The following MAF variants were observed in gnomAD, a reference collection of about 807,000 sequenced individuals.
MAF encodes MAF bZIP transcription factor, also known as transcription factor Maf.
In MAF, 10 loss-of-function variants were observed where a neutral mutation model predicts 22.0. That is an observed-to-expected ratio of 0.45 (90% CI 0.28 to 0.77). The LOEUF is 0.77. MAF is among the 30% of genes least tolerant of loss of function. MAF has a pLI of 0.12. For missense variants in MAF, 544 were observed against 548.4 expected (o/e 0.99, Z 0.08); for synonymous variants, 337 against 255.8 (o/e 1.32, Z -3.03).
the MAF span, among the ~76,000 whole-genome samples, chr16:79,490,271 G>A: frequency 8.5e-5 from 13 of 152,214 alleles, no homozygotes; most frequent in East Asian, 1.7e-3. Flanking sequence ...ATCTCCCTTC[G>A]TCTTGATAGA....
chr16:79,366,694 G>A, the MAF span, among the ~76,000 whole-genome samples: 1 of 152,184 alleles, frequency 6.6e-6, no homozygotes, highest in South Asian at 2.1e-4. Flanking sequence ...ATGATAACTA[G>A]GAACCTCCCT....
the MAF span, chr16:79,212,744 T>C: frequency 6.6e-6 from 1 of 150,736 alleles, no homozygotes; most frequent in Non-Finnish European, 1.5e-5. Flanking sequence ...AAAAGAAATC[T>C]AGAGGAAAAA....
At chr16:79,579,288 A>G in the MAF span, among the ~76,000 whole-genome samples, 1 of 152,222 alleles carries the variant, frequency 6.6e-6, no homozygotes, top group African/African-American at 2.4e-5. Flanking sequence ...CCATCAATGT[A>G]TCCTTGTACT....
chr16:79,420,577 G>T, the MAF span, among the ~76,000 whole-genome samples: 3 of 150,828 alleles, frequency 2.0e-5, no homozygotes, highest in Admixed American at 6.6e-5. Context: ...ACAACCTCCC[G>T]CACCAGAGTG....
At chr16:79,258,963 C>G in the MAF span, among the ~76,000 whole-genome samples, 1 of 152,068 alleles carries the variant, frequency 6.6e-6, no homozygotes, top group Non-Finnish European at 1.5e-5. Flanking sequence ...TTGGAGGGTC[C>G]CAGAGCCCAC....
At chr16:79,227,417 G>A in the MAF span, among the ~76,000 whole-genome samples, 445 of 152,224 alleles carry the variant, frequency 2.9e-3, 8 homozygotes, top group Admixed American at 0.023. Flanking sequence ...TGCTGTGTGT[G>A]TATGAACACC....
the MAF span, among the ~76,000 whole-genome samples, chr16:79,451,485 T>G: frequency 6.6e-6 from 1 of 152,188 alleles, no homozygotes; most frequent in Non-Finnish European, 1.5e-5. Context: ...TGACTTTGCC[T>G]TCCTTGAAGC....
chr16:79,480,758 G>A, the MAF span, among the ~76,000 whole-genome samples: 17 of 152,278 alleles, frequency 1.1e-4, no homozygotes, highest in African/African-American at 3.9e-4. Flanking sequence ...GCAAAAGACA[G>A]ACATGGAAGG....
the MAF span, among the ~76,000 whole-genome samples, chr16:79,401,126 G>A: frequency 6.6e-6 from 1 of 152,144 alleles, no homozygotes; most frequent in African/African-American, 2.4e-5. Flanking sequence ...TGCTTCATTT[G>A]GGACAGGGCG....
the MAF span, among the ~76,000 whole-genome samples, chr16:79,536,338 T>C: frequency 6.6e-6 from 1 of 152,158 alleles, no homozygotes; most frequent in Non-Finnish European, 1.5e-5. Context: ...CAAATGGGAA[T>C]TGAAAATATT....
the MAF span, among the ~76,000 whole-genome samples, chr16:79,389,976 C>CAAAAAAAA: frequency 9.5e-5 from 6 of 62,960 alleles, no homozygotes; most frequent in Middle Eastern, 0.013. Context: ...GACTCCATCT[C>CAAAAAAAA]AAAAAAAAAA....
the MAF span, among the ~76,000 whole-genome samples, chr16:79,440,086 T>C: frequency 2.0e-5 from 3 of 152,208 alleles, no homozygotes; most frequent in African/African-American, 7.2e-5. Context: ...ATGACATTCC[T>C]TCCCTTTGGA....
At chr16:79,546,734 TG>T in the MAF span, among the ~76,000 whole-genome samples, 1 of 152,014 alleles carries the variant, frequency 6.6e-6, no homozygotes, top group East Asian at 1.9e-4. Flanking sequence ...CCTCTATAAA[TG>T]GGAAAAATAA....
chr16:79,557,196 C>T, the MAF span, among the ~76,000 whole-genome samples: 4 of 151,098 alleles, frequency 2.6e-5, no homozygotes, highest in East Asian at 7.8e-4. Context: ...ATTGCTAGTG[C>T]CAGCTACATC....
chr16:79,263,544 C>T, the MAF span, among the ~76,000 whole-genome samples: 3 of 152,236 alleles, frequency 2.0e-5, no homozygotes, highest in Non-Finnish European at 4.4e-5. Flanking sequence ...CATGCCAATA[C>T]CTTTCCCCTT....
the MAF span, among the ~76,000 whole-genome samples, chr16:79,327,187 G>A: frequency 6.6e-6 from 1 of 152,182 alleles, no homozygotes; most frequent in African/African-American, 2.4e-5. Context: ...CTAAAGAATG[G>A]CTTGGGGCAG....
chr16:79,582,661 A>G (rs1164969499), downstream of MAF, among the ~76,000 whole-genome samples: 21 of 152,238 alleles, frequency 1.4e-4, no homozygotes, highest in Admixed American at 1.4e-3. Flanking sequence ...ACAATAACAA[A>G]AAAACAATTT....
chr16:79,414,409 G>A, the MAF span, among the ~76,000 whole-genome samples: 2 of 152,144 alleles, frequency 1.3e-5, no homozygotes, highest in Admixed American at 1.3e-4. Flanking sequence ...AAGATGCCAG[G>A]TTGTTTTAAA....
chr16:79,281,333 A>C, the MAF span, among the ~76,000 whole-genome samples: 1 of 152,196 alleles, frequency 6.6e-6, no homozygotes, highest in South Asian at 2.1e-4. Flanking sequence ...GAAAGCCTCT[A>C]AAAAGAGTTA....
Sources: allele counts gnomAD v4.1 joint callset (sites outside exome capture counted in the v4.1 genomes callset), GRCh38; gene constraint gnomAD v4.1.1; transcripts MANE v1.5; gene names NCBI Gene and HGNC (gene_info 2026-07-23, HGNC 2026-07-21).